Variants in FAR2 observed in about 807,000 individuals in gnomAD.
FAR2 encodes fatty acyl-CoA reductase 2, also known as epididymis secretory protein Li 81.
Under a neutral mutation model 56.0 loss-of-function variants are expected in FAR2, and 19 were observed. The observed-to-expected ratio is 0.34, with a 90% CI of 0.24 to 0.50. FAR2 has a LOEUF of 0.50. Ranked by LOEUF, FAR2 falls within the 20% of genes least tolerant of loss-of-function variation. The probability of loss-of-function intolerance (pLI) is 0.98; values close to 1 mark genes in which losing one functional copy is unlikely to be tolerated. For missense variants in FAR2, 508 were observed against 642.2 expected (o/e 0.79, Z 2.26); for synonymous variants, 219 against 218.8 (o/e 1.00, Z -0.01).
intron 2 of FAR2, among the ~76,000 whole-genome samples, chr12:29,283,811 T>C (rs1006781503): frequency 6.6e-6 from 1 of 152,226 alleles, no homozygotes; most frequent in African/African-American, 2.4e-5. Flanking sequence ...CATGTAATTA[T>C]GAACCAATCA....
chr12:29,236,526 A>G (rs1014187783), intron 1 of FAR2, among the ~76,000 whole-genome samples: 17 of 152,216 alleles, frequency 1.1e-4, no homozygotes, highest in African/African-American at 4.1e-4. Flanking sequence ...AAGGGGAAGC[A>G]GGCACATCTT....
chr12:29,311,396 C>A (rs182698548), intron 7 of FAR2, among the ~76,000 whole-genome samples: 5 of 152,090 alleles, frequency 3.3e-5, no homozygotes, highest in Admixed American at 3.3e-4. Flanking sequence ...TTCTTGATAA[C>A]CAAAAGGCTT....
chr12:29,185,832 C>G lies in FAR2; in HGVS notation c.-39+36425C>G, dbSNP rs77661659. Reference sequence around the variant, plus strand: ...CAAACATACTGCAATACAAGGGACACGCCCATTCAACAAATAATTATCCTG... The same window carrying G: ...CAAACATACTGCAATACAAGGGACAGGCCCATTCAACAAATAATTATCCTG... On this transcript the variant is annotated intron_variant, in intron 1 of 11. Transcript: ENST00000536681. 1.2e-4 allele frequency among the ~76,000 whole-genome samples: 18 copies of G among 152,190 alleles called. No individual in the cohort carries two copies. The South Asian group carries it at 3.7e-3, about 32-fold the overall frequency.
chr12:29,256,669 T>C (rs925477322), intron 1 of FAR2, among the ~76,000 whole-genome samples: 1 of 152,190 alleles, frequency 6.6e-6, no homozygotes, highest in Non-Finnish European at 1.5e-5. Context: ...GAACAGAGGC[T>C]GTGCGTGGCA....
intron 8 of FAR2, among the ~76,000 whole-genome samples, chr12:29,312,850 G>C (rs1249034451): frequency 6.6e-6 from 1 of 152,106 alleles, no homozygotes; most frequent in Non-Finnish European, 1.5e-5. Context: ...CACACTGAGA[G>C]TTCTATTGCA....
chr12:29,159,650 G>GTA (rs1565676805), intron 1 of FAR2, among the ~76,000 whole-genome samples: 2 of 152,182 alleles, frequency 1.3e-5, no homozygotes, highest in African/African-American at 4.8e-5. Flanking sequence ...AGGCTTGGGG[G>GTA]TTATTAGCTT....
intron 1 of FAR2, among the ~76,000 whole-genome samples, chr12:29,194,205 T>C (rs1412924625): frequency 2.0e-5 from 3 of 152,126 alleles, no homozygotes; most frequent in Admixed American, 2.0e-4. Flanking sequence ...AAACAAAAAG[T>C]CAAGATGTCT....
At chr12:29,294,361 G>T (rs7134796) in intron 3 of FAR2, among the ~76,000 whole-genome samples, 98,086 of 148,974 alleles carry the variant, frequency 0.66, 33,184 homozygotes, top group African/African-American at 0.83. Context: ...TTTTTTTTTT[G>T]TTGTTGAGAC....
At chr12:29,230,417 G>T (rs1473271320) in intron 1 of FAR2, among the ~76,000 whole-genome samples, 7 of 152,084 alleles carry the variant, frequency 4.6e-5, no homozygotes, top group African/African-American at 1.7e-4. Context: ...AGTATGTGTT[G>T]TGATGGGAGA....
chr12:29,242,976 A>G (rs1209217164), intron 1 of FAR2, among the ~76,000 whole-genome samples: 1 of 152,216 alleles, frequency 6.6e-6, no homozygotes, highest in African/African-American at 2.4e-5. Flanking sequence ...AGTTGTTCCA[A>G]GCTTGCTACA....
intron 2 of FAR2, among the ~76,000 whole-genome samples, chr12:29,273,140 G>A (rs761362023): frequency 6.6e-6 from 1 of 152,114 alleles, no homozygotes; most frequent in African/African-American, 2.4e-5. Flanking sequence ...GAGTAGGACC[G>A]TTTAACGAAC....
chr12:29,206,983 A>C (rs575569472), intron 1 of FAR2, among the ~76,000 whole-genome samples: 9 of 152,210 alleles, frequency 5.9e-5, no homozygotes, highest in Admixed American at 3.9e-4. Context: ...AAGGACATAA[A>C]GGTTTCAGCA....
chr12:29,226,983 C>T (rs1447107311), intron 1 of FAR2, among the ~76,000 whole-genome samples: 1 of 152,130 alleles, frequency 6.6e-6, no homozygotes, highest in African/African-American at 2.4e-5. Flanking sequence ...GAATATCATA[C>T]TTTTAGAAGA....
At chr12:29,173,281 G>A (rs545003879) in intron 1 of FAR2, among the ~76,000 whole-genome samples, 1 of 152,294 alleles carries the variant, frequency 6.6e-6, no homozygotes, top group East Asian at 1.9e-4. Flanking sequence ...GGGGGTTTTT[G>A]TGGTCCTTTG....
chr12:29,317,296 T>C (rs1949466579), intron 9 of FAR2, among the ~76,000 whole-genome samples: 1 of 152,214 alleles, frequency 6.6e-6, no homozygotes, highest in African/African-American at 2.4e-5. Context: ...CATAAAATTA[T>C]TTAAAATATT....
At chr12:29,270,921 T>C (rs1016005956) in intron 2 of FAR2, among the ~76,000 whole-genome samples, 1 of 152,238 alleles carries the variant, frequency 6.6e-6, no homozygotes, top group African/African-American at 2.4e-5. Flanking sequence ...TGCTTCAGCC[T>C]TAATATCTGC....
At chr12:29,293,051 G>C (rs1457320440) in intron 2 of FAR2, 2 of 266,946 alleles carry the variant, frequency 7.5e-6, no homozygotes, top group Non-Finnish European at 7.0e-6. Flanking sequence ...ATTTTTAGTA[G>C]AGACAGGTTT....
chr12:29,324,104 C>A (rs1202233434), intron 10 of FAR2, among the ~76,000 whole-genome samples: 2 of 152,112 alleles, frequency 1.3e-5, no homozygotes, highest in Admixed American at 6.5e-5. Context: ...GACGAATGCA[C>A]AAGCCTCAGT....
At chr12:29,293,918 T>C (rs953285413) in intron 3 of FAR2, among the ~76,000 whole-genome samples, 1 of 152,204 alleles carries the variant, frequency 6.6e-6, no homozygotes, top group Non-Finnish European at 1.5e-5. Flanking sequence ...GCAATGAACA[T>C]CTGTGTGCAT....
Sources: gnomAD v4.1 joint callset for allele counts (sites outside exome capture counted in the v4.1 genomes callset) on GRCh38, gnomAD v4.1.1 for gene constraint, MANE v1.5 for transcripts, NCBI Gene and HGNC (gene_info 2026-07-23, HGNC 2026-07-21) for gene names.